GREB1L: variants seen among roughly 807,000 people sequenced by gnomAD.
GREB1L encodes the protein GREB1-like protein.
A neutral mutation model predicts 200.8 loss-of-function variants in GREB1L; 17 were observed. That is an observed-to-expected ratio of 0.08 (90% confidence interval 0.06 to 0.13). The LOEUF is 0.13. GREB1L is among the 10% of genes least tolerant of loss of function. GREB1L has a pLI of 1.00. For missense variants in GREB1L, 1,657 were observed against 2,367.7 expected (o/e 0.70, Z 6.23); for synonymous variants, 789 against 893.0 (o/e 0.88, Z 2.08).
chr18:21,390,464 T>G (rs963094888), intron 4 of GREB1L, among the ~76,000 whole-genome samples: 1 of 152,180 alleles, frequency 6.6e-6, no homozygotes, highest in Non-Finnish European at 1.5e-5. Context: ...ATTCTGACCC[T>G]GTGTAGGCCT....
chr18:21,483,111 C>G (rs916294190), intron 17 of GREB1L, among the ~76,000 whole-genome samples: 37 of 152,172 alleles, frequency 2.4e-4, no homozygotes, highest in African/African-American at 8.4e-4. Flanking sequence ...TAGTTAATCA[C>G]AGGCCATCTA....
At chr18:21,427,773 C>T (rs1305194222) in intron 7 of GREB1L, among the ~76,000 whole-genome samples, 1 of 152,142 alleles carries the variant, frequency 6.6e-6, no homozygotes, top group Non-Finnish European at 1.5e-5. Context: ...TTCCTATATT[C>T]GGGATCATGT....
At chr18:21,518,288 C>A in intron 31 of GREB1L, 54 bp downstream of exon 31, 2 of 1,490,712 alleles carry the variant, frequency 1.3e-6, no homozygotes, top group South Asian at 1.3e-5. Flanking sequence ...ATTTCTTTCT[C>A]ATTTTAGCTG....
intron 1 of GREB1L, among the ~76,000 whole-genome samples, chr18:21,330,004 T>C (rs192171555): frequency 6.6e-6 from 1 of 151,970 alleles, no homozygotes; most frequent in Admixed American, 6.5e-5. Context: ...ATATAACTTT[T>C]TCCCTAGGTC....
chr18:21,326,215 C>A (rs959971471), intron 1 of GREB1L, among the ~76,000 whole-genome samples: 3 of 151,496 alleles, frequency 2.0e-5, no homozygotes, highest in South Asian at 2.1e-4. Flanking sequence ...AATATGATAC[C>A]CACGTTTTTG....
At chr18:21,334,004 A>T (rs2039147646) in intron 1 of GREB1L, among the ~76,000 whole-genome samples, 1 of 151,912 alleles carries the variant, frequency 6.6e-6, no homozygotes, top group African/African-American at 2.4e-5. Context: ...AAAAAATTAC[A>T]TTTCTAGTGA....
chr18:21,382,212 C>A (rs747447490), intron 2 of GREB1L, among the ~76,000 whole-genome samples: 1 of 151,810 alleles, frequency 6.6e-6, no homozygotes, highest in Non-Finnish European at 1.5e-5. Flanking sequence ...TGGTATGGTG[C>A]TGTGTGCCTG....
At chr18:21,360,733 T>A (rs1047039099) in intron 1 of GREB1L, among the ~76,000 whole-genome samples, 5 of 152,222 alleles carry the variant, frequency 3.3e-5, no homozygotes, top group African/African-American at 1.2e-4. Context: ...AAACAAAAAA[T>A]TGAATACGTA....
At chr18:21,311,946 C>A (rs1349984928) in intron 1 of GREB1L, among the ~76,000 whole-genome samples, 1 of 151,876 alleles carries the variant, frequency 6.6e-6, no homozygotes, top group East Asian at 1.9e-4. Flanking sequence ...AAGCCTAGTA[C>A]CCAATAGATA....
At chr18:21,323,115 C>T (rs985759452) in intron 1 of GREB1L, among the ~76,000 whole-genome samples, 2 of 151,928 alleles carry the variant, frequency 1.3e-5, no homozygotes, top group African/African-American at 4.8e-5. Context: ...CAAGACCCCA[C>T]CTCTACTAGA....
chr18:21,334,489 TTGA>T (rs1470623425), intron 1 of GREB1L, among the ~76,000 whole-genome samples: 7 of 152,204 alleles, frequency 4.6e-5, no homozygotes, highest in Admixed American at 3.3e-4. Flanking sequence ...GAAGAGGGAA[TTGA>T]TGATTCTGTT....
intron 19 of GREB1L, 56 bp downstream of exon 19, chr18:21,490,407 G>A: frequency 6.9e-7 from 1 of 1,459,050 alleles, no homozygotes; most frequent in Non-Finnish European, 9.3e-7. Context: ...TCTTTTCTAG[G>A]AATCCTACAT....
In GREB1L at chr18:21,508,368, T is replaced by C. The variant is rs930248472; in HGVS notation, c.4531-19T>C. ...GGCTTTAATTTCCCTTTATGGTCTG[T>C]TTTTTTCCCTTTCAGCAGAATTTGA... On this transcript the variant is annotated intron_variant, in intron 26 of 32. Coordinates refer to ENST00000424526, the MANE Select transcript of GREB1L (RefSeq NM_001142966.3). 3 of 1,550,900 alleles carry C rather than the reference T, an allele frequency of 1.9e-6. No individual in the cohort carries two copies. The highest frequency in any genetic ancestry group is 2.0e-5 in the Admixed American group (1 of 50,894).
At chr18:21,360,399 T>G (rs1220299192) in intron 1 of GREB1L, among the ~76,000 whole-genome samples, 2 of 151,886 alleles carry the variant, frequency 1.3e-5, no homozygotes, top group Non-Finnish European at 2.9e-5. Flanking sequence ...TTTTTTTTTG[T>G]ATTTTTAGTA....
At chr18:21,480,175 A>G (rs1240597124) in intron 17 of GREB1L, among the ~76,000 whole-genome samples, 2 of 152,098 alleles carry the variant, frequency 1.3e-5, no homozygotes, top group African/African-American at 2.4e-5. Flanking sequence ...ATGTGGTGAA[A>G]CCCCATCTCT....
chr18:21,421,125 G>A (rs2032111975), intron 7 of GREB1L, among the ~76,000 whole-genome samples: 1 of 152,148 alleles, frequency 6.6e-6, no homozygotes, highest in African/African-American at 2.4e-5. Context: ...AGCAAGGGAA[G>A]CATAGGTGGG....
intron 1 of GREB1L, among the ~76,000 whole-genome samples, chr18:21,272,901 A>C (rs767789350): frequency 6.6e-6 from 1 of 152,186 alleles, no homozygotes; most frequent in Non-Finnish European, 1.5e-5. Context: ...AATTCATGAA[A>C]ATTTTTATTT....
chr18:21,326,253 A>G (rs567611939), intron 1 of GREB1L, among the ~76,000 whole-genome samples: 1 of 152,210 alleles, frequency 6.6e-6, no homozygotes. Context: ...ACATGCAAAA[A>G]CAAAAAAAAA....
chr18:21,269,093 T>C (rs1270659549), intron 1 of GREB1L, among the ~76,000 whole-genome samples: 8 of 152,180 alleles, frequency 5.3e-5, no homozygotes, highest in Non-Finnish European at 1.0e-4. Context: ...TAAATGCTAA[T>C]TATTAATACG....
Sources: gnomAD v4.1 joint callset for allele counts (sites outside exome capture counted in the v4.1 genomes callset) on GRCh38, gnomAD v4.1.1 for gene constraint, MANE v1.5 for transcripts, NCBI Gene and HGNC (gene_info 2026-07-23, HGNC 2026-07-21) for gene names.